The following ANK3 variants were observed in gnomAD, a reference collection of about 807,000 sequenced individuals.
The protein encoded by ANK3 is ankyrin 3, also known as ankyrin-3.
Under a neutral mutation model 370.9 loss-of-function variants are expected in ANK3, and 57 were observed. That is an observed-to-expected ratio of 0.15 (90% CI 0.12 to 0.19). The LOEUF is 0.19. Ranked by LOEUF, ANK3 falls within the 10% of genes least tolerant of loss-of-function variation. The probability of loss-of-function intolerance (pLI) is 1.00; values close to 1 mark genes in which losing one functional copy is unlikely to be tolerated. For synonymous variants in ANK3, 1,929 were observed against 1,946.3 expected (o/e 0.99, Z 0.23); for missense variants, 4,439 against 5,302.1 (o/e 0.84, Z 5.06).
chr10:60,468,071 G>A (rs1490033041), intron 2 of ANK3, among the ~76,000 whole-genome samples: 2 of 147,274 alleles, frequency 1.4e-5, no homozygotes, highest in South Asian at 2.1e-4. Flanking sequence ...TGCAATCTCC[G>A]CCTCCTGGGT....
intron 2 of ANK3, among the ~76,000 whole-genome samples, chr10:60,431,720 C>G (rs1595019907): frequency 6.6e-6 from 1 of 152,150 alleles, no homozygotes; most frequent in Middle Eastern, 3.4e-3. Flanking sequence ...GAGGGTGCAG[C>G]AAACCACCAT....
chr10:60,469,054 T>TAC (rs1555377105), intron 2 of ANK3, among the ~76,000 whole-genome samples: 7 of 34,922 alleles, frequency 2.0e-4, no homozygotes, highest in African/African-American at 3.4e-4. Context: ...TATATATATA[T>TAC]ACCACTTTTA....
intron 1 of ANK3, among the ~76,000 whole-genome samples, chr10:60,285,049 C>G (rs1593053434): frequency 6.6e-6 from 1 of 152,072 alleles, no homozygotes; most frequent in African/African-American, 2.4e-5. Flanking sequence ...GTGATGATCG[C>G]CTCTATTTCC....
chr10:60,236,848 A>G (rs1420636331), intron 7 of ANK3, among the ~76,000 whole-genome samples: 3 of 152,258 alleles, frequency 2.0e-5, no homozygotes, highest in Non-Finnish European at 4.4e-5. Context: ...CATGGCAAAT[A>G]TATTCTGCTT....
intron 2 of ANK3, among the ~76,000 whole-genome samples, chr10:60,426,622 G>A (rs2063893789): frequency 6.6e-6 from 1 of 152,048 alleles, no homozygotes; most frequent in Admixed American, 6.6e-5. Context: ...GAAGATAAAT[G>A]TGCTAATATG....
Position 60,086,903 on chromosome 10 carries a change from C to T in ANK3, c.3541-19G>A, listed in dbSNP as rs1213123892. ...GCTGGGCCTAGAGACAGAGAAAGGA[C>T]TTTAAATGAAAGTGACTTTTTTTTT... On this transcript the variant is annotated intron_variant, in intron 29 of 43. Coordinates refer to ENST00000280772, the MANE Select transcript of ANK3 (RefSeq NM_020987.5). The T allele has an allele frequency of 2.3e-6, 3 of 1,323,176 alleles. No individual in the cohort carries two copies. The highest frequency in any genetic ancestry group is 6.2e-5 in the East Asian group (2 of 32,034). 82.0% of individuals were successfully genotyped at this position (1,323,176 alleles called of 1,614,324 possible). A position where few individuals can be genotyped will look rare whatever the true frequency, so the allele number is the denominator to read the frequency against.
chr10:60,290,030 G>T (rs181475631), intron 1 of ANK3, among the ~76,000 whole-genome samples: 318 of 152,226 alleles, frequency 2.1e-3, no homozygotes, highest in Non-Finnish European at 3.8e-3. Flanking sequence ...CGGCCATCCC[G>T]ATTGTGACCA....
intron 9 of ANK3, among the ~76,000 whole-genome samples, chr10:60,209,407 A>G (rs905914752): frequency 6.6e-6 from 1 of 152,168 alleles, no homozygotes; most frequent in African/African-American, 2.4e-5. Context: ...AAGTAGTATA[A>G]GCTCCTTGTT....
At chr10:60,296,536 T>A (rs528257427) in intron 1 of ANK3, among the ~76,000 whole-genome samples, 96 of 152,344 alleles carry the variant, frequency 6.3e-4, no homozygotes, top group African/African-American at 2.2e-3. Flanking sequence ...AGTCTCTTGT[T>A]AGGACTAACT....
intron 40 of ANK3, chr10:60,060,273 T>G: frequency 3.7e-6 from 1 of 272,944 alleles, no homozygotes; most frequent in Non-Finnish European, 6.9e-6. Context: ...TGCACACTAA[T>G]CCAAAGTATG....
rs1025478518 is a variant in ANK3, at chr10:60,279,627, C to A, written c.127G>T (p.Ala43Ser). The change falls in exon 2 of 44, where the codon GCA becomes TCA. Residue 43 changes from alanine (A) to serine (S), a missense_variant. This residue lies in a region of ANK3 where 54 missense variants were observed against 52.7 expected (regional missense o/e 1.02). Transcript: ENST00000280772. ...GCTCGAGCTGCTCTTAAGTAACTTG[C>A]ATTGGCATCAGACTAAAATAAAAAA... Reference protein sequence around the residue: ...RDRKKKSDANASYLRAARAGH... With the variant: ...RDRKKKSDANSSYLRAARAGH... The A allele has an allele frequency of 6.2e-7, 1 of 1,610,184 alleles. No individual in the cohort carries two copies.
intron 9 of ANK3, among the ~76,000 whole-genome samples, chr10:60,210,970 T>C (rs568259269): frequency 9.9e-5 from 15 of 152,284 alleles, no homozygotes; most frequent in African/African-American, 2.9e-4. Flanking sequence ...GCCGTCCATC[T>C]GATGTTACTG....
chr10:60,086,611 C>A (rs1039382046), intron 30 of ANK3, 66 bp downstream of exon 30: 5 of 1,352,506 alleles, frequency 3.7e-6, no homozygotes, highest in Non-Finnish European at 5.1e-6. Context: ...TATCTTTGTA[C>A]ACAAATATAT....
chr10:60,376,435 C>G (rs556676028), intron 1 of ANK3, among the ~76,000 whole-genome samples: 2 of 151,494 alleles, frequency 1.3e-5, no homozygotes, highest in Non-Finnish European at 3.0e-5. Flanking sequence ...CTATCAGATG[C>G]CAAATGGATG....
At chr10:60,637,916 A>C (rs2078577508) in intron 1 of ANK3, among the ~76,000 whole-genome samples, 1 of 152,148 alleles carries the variant, frequency 6.6e-6, no homozygotes, top group African/African-American at 2.4e-5. Context: ...CTAAGTGAAG[A>C]GGGAGGAGTG....
intron 2 of ANK3, among the ~76,000 whole-genome samples, chr10:60,395,564 C>CTTTCTTTCTTTTCTTTCTTTCT (rs1555367097): frequency 2.0e-5 from 2 of 101,818 alleles, no homozygotes; most frequent in African/African-American, 8.0e-5. Context: ...TTCTTTCTTT[C>CTTTCTTTCTTTTCTTTCTTTCT]TTTCTTTCTT....
intron 42 of ANK3, 89 bp from the exon 43 acceptor site, chr10:60,042,848 G>C: frequency 6.3e-7 from 1 of 1,577,496 alleles, no homozygotes; most frequent in East Asian, 2.3e-5. Flanking sequence ...GCTGGATTAG[G>C]ACAAGCGAAA....
intron 25 of ANK3, among the ~76,000 whole-genome samples, chr10:60,129,270 CA>C (rs1554972983): frequency 6.6e-6 from 1 of 152,178 alleles, no homozygotes; most frequent in Non-Finnish European, 1.5e-5. Flanking sequence ...CCCAAGAACC[CA>C]GACATGGAAA....
chr10:60,684,630 C>T (rs530302816), intron 1 of ANK3: 28 of 1,589,714 alleles, frequency 1.8e-5, no homozygotes, highest in Non-Finnish European at 2.3e-5. Flanking sequence ...GGCTGCAGTT[C>T]AATGAATTTG....
Sources: gnomAD v4.1 joint callset for allele counts (sites outside exome capture counted in the v4.1 genomes callset) on GRCh38, gnomAD v4.1.1 for gene constraint, gnomAD v4.1.1 regional missense constraint, MANE v1.5 for transcripts, NCBI Gene and HGNC (gene_info 2026-07-23, HGNC 2026-07-21) for gene names.